KCNT2: variants seen among roughly 807,000 people sequenced by gnomAD.
KCNT2 encodes the protein potassium channel subfamily T member 2.
KCNT2 carries 67 observed loss-of-function variants against 153.8 expected under a neutral mutation model. The observed-to-expected ratio is 0.44, with a 90% CI of 0.36 to 0.53. KCNT2 has a LOEUF of 0.53. Among genes scored for constraint, KCNT2 ranks in the 20% least tolerant of loss-of-function variants. The probability of loss-of-function intolerance (pLI) is 0.00; values close to 1 mark genes in which losing one functional copy is unlikely to be tolerated. For synonymous variants in KCNT2, 500 were observed against 458.8 expected, an observed-to-expected ratio of 1.09 and a Z score of -1.15; for missense variants, 975 against 1,354.8, an observed-to-expected ratio of 0.72 and a Z score of 4.40.
chr1:196,253,471 A>G (rs1656173134), intron 26 of KCNT2, among the ~76,000 whole-genome samples: 1 of 151,494 alleles, frequency 6.6e-6, no homozygotes, highest in Non-Finnish European at 1.5e-5. Context: ...CATATAGAAT[A>G]TATTATAACT....
At chr1:196,397,832 C>T (rs1671077353) in intron 13 of KCNT2, among the ~76,000 whole-genome samples, 1 of 151,260 alleles carries the variant, frequency 6.6e-6, no homozygotes, top group African/African-American at 2.4e-5. Flanking sequence ...ATTTTAATGA[C>T]TTTTGGAGCT....
chr1:196,261,070 A>C (rs1311799463), intron 25 of KCNT2, among the ~76,000 whole-genome samples: 1 of 151,726 alleles, frequency 6.6e-6, no homozygotes, highest in Admixed American at 6.6e-5. Context: ...TAGGAGGTCC[A>C]TTTATAAATA....
chr1:196,464,275 C>A (rs756351541), intron 8 of KCNT2, among the ~76,000 whole-genome samples: 1 of 151,620 alleles, frequency 6.6e-6, no homozygotes, highest in East Asian at 1.9e-4. Context: ...AGACACTAGG[C>A]GATAAGATGG....
intron 25 of KCNT2, among the ~76,000 whole-genome samples, chr1:196,269,653 T>A (rs1657882211): frequency 2.0e-5 from 3 of 152,028 alleles, no homozygotes; most frequent in Admixed American, 1.3e-4. Context: ...TACTACAGCC[T>A]TTTTTTCCCC....
intron 20 of KCNT2, 75 bp from the exon 21 acceptor site, chr1:196,316,101 C>A: frequency 7.2e-7 from 1 of 1,379,638 alleles, no homozygotes; most frequent in Non-Finnish European, 1.0e-6. Context: ...AAGTCTAGCA[C>A]TATCCCCTGT....
chr1:196,527,922 T>C (rs936245563), intron 1 of KCNT2, among the ~76,000 whole-genome samples: 1 of 152,206 alleles, frequency 6.6e-6, no homozygotes. Context: ...TCCTAAATTG[T>C]CAACTTTCTA....
intron 1 of KCNT2, among the ~76,000 whole-genome samples, chr1:196,565,323 T>G (rs1363481625): frequency 6.6e-6 from 1 of 151,744 alleles, no homozygotes; most frequent in Non-Finnish European, 1.5e-5. Context: ...GAAAGGGGAA[T>G]ATCTGCATAC....
intron 26 of KCNT2, among the ~76,000 whole-genome samples, chr1:196,252,861 A>G (rs1656105375): frequency 6.6e-6 from 1 of 150,596 alleles, no homozygotes; most frequent in Non-Finnish European, 1.5e-5. Context: ...TTTTTTTCCT[A>G]CTCTCAAGAT....
At chr1:196,254,430 A>G (rs1656278356) in intron 26 of KCNT2, among the ~76,000 whole-genome samples, 1 of 151,580 alleles carries the variant, frequency 6.6e-6, no homozygotes, top group Admixed American at 6.6e-5. Flanking sequence ...TAGTGAAGTC[A>G]TTAGCATGAT....
At chr1:196,537,396 A>G (rs1655729718) in intron 1 of KCNT2, among the ~76,000 whole-genome samples, 1 of 152,178 alleles carries the variant, frequency 6.6e-6, no homozygotes, top group Admixed American at 6.5e-5. Context: ...TCTCTTAAGC[A>G]GTGTATCAAG....
intron 21 of KCNT2, among the ~76,000 whole-genome samples, chr1:196,307,604 T>G (rs1661755844): frequency 6.6e-6 from 1 of 152,092 alleles, no homozygotes; most frequent in African/African-American, 2.4e-5. Flanking sequence ...GTTAAACAAT[T>G]TCTCAATTCA....
intron 1 of KCNT2, among the ~76,000 whole-genome samples, chr1:196,584,779 G>C (rs923903633): frequency 6.6e-6 from 1 of 152,098 alleles, no homozygotes; most frequent in Non-Finnish European, 1.5e-5. Context: ...TAATTAGCTT[G>C]AAGATTCCAA....
intron 14 of KCNT2, among the ~76,000 whole-genome samples, chr1:196,348,782 T>C (rs543844400): frequency 6.6e-6 from 1 of 151,986 alleles, no homozygotes; most frequent in Non-Finnish European, 1.5e-5. Context: ...TCCCAACACT[T>C]TGGGAGGCTG....
intron 14 of KCNT2, among the ~76,000 whole-genome samples, chr1:196,347,968 T>G (rs1666280741): frequency 6.6e-6 from 1 of 152,176 alleles, no homozygotes; most frequent in African/African-American, 2.4e-5. Flanking sequence ...ATAAGCTTTA[T>G]GAGAAAAGGG....
chr1:196,478,974 T>C (rs574084917), intron 5 of KCNT2, among the ~76,000 whole-genome samples: 23 of 152,296 alleles, frequency 1.5e-4, no homozygotes, highest in Admixed American at 5.9e-4. Context: ...AGTAAACCCA[T>C]AGGAACTAGC....
At chr1:196,450,910 A>G (rs1471936726) in intron 8 of KCNT2, among the ~76,000 whole-genome samples, 1 of 151,874 alleles carries the variant, frequency 6.6e-6, no homozygotes, top group Non-Finnish European at 1.5e-5. Context: ...TGCATGGTTT[A>G]TTTGAATACT....
At chr1:196,278,425 T>C (rs756067959) in intron 25 of KCNT2, among the ~76,000 whole-genome samples, 2 of 152,190 alleles carry the variant, frequency 1.3e-5, no homozygotes, top group African/African-American at 2.4e-5. Flanking sequence ...AGAGGCATTA[T>C]TTTTATTTAA....
Position 196,492,280 on chromosome 1 carries a change from T to C in KCNT2, c.157A>G (p.Ile53Val). ...AACTTACTTGATCTCTGGTTTTTTA[T>C]GAAAAATAATTTTAGTCTTTCTTTA... ...TFKERLKLFF[I>V]KNQRSSLRIR... is the part of the protein sequence containing the mutation. Residue 53 changes from isoleucine to valine, a missense_variant, in exon 2 of 28, where the codon ATA becomes GTA. By Grantham distance (29) the Ile-to-Val change is conservative. Around this residue, in one of 6 missense-constraint regions of KCNT2, gnomAD observed 140 missense variants for 216.0 expected, o/e 0.65. Transcript: ENST00000294725. 7.0e-7 allele frequency: 1 copy of C among 1,430,594 alleles called. No individual in the cohort carries two copies. The highest frequency in any genetic ancestry group is 1.3e-5 in the South Asian group (1 of 74,326). 88.6% of individuals were successfully genotyped at this position (1,430,594 alleles called of 1,614,324 possible). A position where few individuals can be genotyped will look rare whatever the true frequency, so the allele number is the denominator to read the frequency against.
chr1:196,330,835 C>T (rs1156499462), intron 18 of KCNT2, among the ~76,000 whole-genome samples: 2 of 151,886 alleles, frequency 1.3e-5, no homozygotes, highest in African/African-American at 4.8e-5. Flanking sequence ...ATAAATAATG[C>T]ACATTTGACC....
Sources: allele counts gnomAD v4.1 joint callset (sites outside exome capture counted in the v4.1 genomes callset), GRCh38; gene constraint gnomAD v4.1.1; regional missense constraint gnomAD v4.1.1; transcripts MANE v1.5; gene names NCBI Gene and HGNC (gene_info 2026-07-23, HGNC 2026-07-21).